The following PABPC4L variants were observed in gnomAD, a reference collection of about 807,000 sequenced individuals.
PABPC4L encodes the protein poly(A) binding protein cytoplasmic 4 like, also known as polyadenylate-binding protein 4-like.
For missense variants in PABPC4L, 452 were observed against 451.4 expected, an observed-to-expected ratio of 1.00 and a Z score of -0.01; for synonymous variants, 169 against 164.1, an observed-to-expected ratio of 1.03 and a Z score of -0.23.
chr4:134,164,261 TCAAAAAAAAAAA>T, the PABPC4L span, among the ~76,000 whole-genome samples: 1 of 28,848 alleles, frequency 3.5e-5, no homozygotes, highest in African/African-American at 1.4e-4. Context: ...AGACTCCGTC[TCAAAAAAAAAAA>T]AAAAAAAAAA....
At chr4:134,153,333 G>A in the PABPC4L span, among the ~76,000 whole-genome samples, 1 of 151,848 alleles carries the variant, frequency 6.6e-6, no homozygotes, top group South Asian at 2.1e-4. Flanking sequence ...ATAATGTTCA[G>A]ATGCTGGTTT....
chr4:134,149,382 T>C, the PABPC4L span, among the ~76,000 whole-genome samples: 12 of 152,274 alleles, frequency 7.9e-5, no homozygotes, highest in African/African-American at 2.6e-4. Flanking sequence ...ACTTTGAGGC[T>C]GGGGTTGATC....
At chr4:133,968,439 G>C in the PABPC4L span, among the ~76,000 whole-genome samples, 2 of 152,176 alleles carry the variant, frequency 1.3e-5, no homozygotes, top group Non-Finnish European at 2.9e-5. Context: ...GTACAGAACA[G>C]AGAATCCATT....
chr4:134,114,900 G>A, the PABPC4L span, among the ~76,000 whole-genome samples: 30 of 151,966 alleles, frequency 2.0e-4, no homozygotes, highest in African/African-American at 6.5e-4. Flanking sequence ...TGTTATCAAA[G>A]AATTGTAGTC....
the PABPC4L span, among the ~76,000 whole-genome samples, chr4:133,985,116 C>A: frequency 6.6e-6 from 1 of 151,922 alleles, no homozygotes; most frequent in Admixed American, 6.6e-5. Context: ...GTTACATAAA[C>A]TGACTCTGGT....
At chr4:134,028,132 A>G in the PABPC4L span, among the ~76,000 whole-genome samples, 2 of 152,124 alleles carry the variant, frequency 1.3e-5, no homozygotes, top group Non-Finnish European at 2.9e-5. Flanking sequence ...CAGCCCAGAA[A>G]CTCTGAATCA....
the PABPC4L span, among the ~76,000 whole-genome samples, chr4:134,016,674 A>C: frequency 6.6e-6 from 1 of 152,126 alleles, no homozygotes; most frequent in African/African-American, 2.4e-5. Context: ...CCAGCCTCAC[A>C]GGCCCATTCT....
At chr4:133,989,552 T>A in the PABPC4L span, among the ~76,000 whole-genome samples, 1 of 152,300 alleles carries the variant, frequency 6.6e-6, no homozygotes, top group East Asian at 1.9e-4. Flanking sequence ...CAAAGCCATT[T>A]AACAAGTCTC....
the PABPC4L span, among the ~76,000 whole-genome samples, chr4:134,111,536 G>A: frequency 6.6e-6 from 1 of 151,824 alleles, no homozygotes; most frequent in Admixed American, 6.6e-5. Flanking sequence ...TTTGTTCTGT[G>A]TCTCTAGAGA....
the PABPC4L span, among the ~76,000 whole-genome samples, chr4:134,082,631 C>T: frequency 2.0e-5 from 3 of 151,914 alleles, no homozygotes; most frequent in African/African-American, 4.8e-5. Flanking sequence ...TAAGCATAAT[C>T]GATGATCTCA....
chr4:134,096,683 T>A, the PABPC4L span, among the ~76,000 whole-genome samples: 1 of 151,968 alleles, frequency 6.6e-6, no homozygotes, highest in South Asian at 2.1e-4. Flanking sequence ...TGCCTTTTGG[T>A]AAACATTTCA....
At chr4:134,123,100 G>C in the PABPC4L span, among the ~76,000 whole-genome samples, 1 of 151,924 alleles carries the variant, frequency 6.6e-6, no homozygotes, top group Non-Finnish European at 1.5e-5. Flanking sequence ...CACGTCATTT[G>C]TATCAATATA....
At chr4:134,079,985 T>G in the PABPC4L span, among the ~76,000 whole-genome samples, 205 of 152,178 alleles carry the variant, frequency 1.3e-3, no homozygotes, top group African/African-American at 4.9e-3. Context: ...TTTTTTCCAT[T>G]TTATTTCTAT....
At chr4:134,029,304 A>T in the PABPC4L span, among the ~76,000 whole-genome samples, 1 of 152,024 alleles carries the variant, frequency 6.6e-6, no homozygotes. Flanking sequence ...GGGAAGATGC[A>T]AAGGAGGGGC....
the PABPC4L span, among the ~76,000 whole-genome samples, chr4:133,949,381 T>A: frequency 6.6e-6 from 1 of 152,140 alleles, no homozygotes; most frequent in Non-Finnish European, 1.5e-5. Flanking sequence ...ATCAGCTTGA[T>A]TAGGTATTCC....
chr4:133,992,701 T>C, the PABPC4L span, among the ~76,000 whole-genome samples: 1 of 152,072 alleles, frequency 6.6e-6, no homozygotes, highest in African/African-American at 2.4e-5. Flanking sequence ...GCAGACAAAA[T>C]GAGAGCATAA....
the PABPC4L span, among the ~76,000 whole-genome samples, chr4:134,151,861 A>G: frequency 6.0e-3 from 913 of 151,992 alleles, 7 homozygotes; most frequent in African/African-American, 0.021. Context: ...AGCTTATTAT[A>G]ATATAAGAAT....
the PABPC4L span, among the ~76,000 whole-genome samples, chr4:134,030,166 C>A: frequency 1.6e-4 from 24 of 151,912 alleles, no homozygotes; most frequent in Non-Finnish European, 3.4e-4. Context: ...AGGATTAATA[C>A]AATAAATTGG....
At chr4:134,176,149 A>T in the PABPC4L span, among the ~76,000 whole-genome samples, 1 of 152,150 alleles carries the variant, frequency 6.6e-6, no homozygotes, top group African/African-American at 2.4e-5. Context: ...CATTAAAGTT[A>T]ATTATTCTCT....
Sources: allele counts gnomAD v4.1 joint callset (sites outside exome capture counted in the v4.1 genomes callset), GRCh38; gene constraint gnomAD v4.1.1; transcripts MANE v1.5; gene names NCBI Gene and HGNC (gene_info 2026-07-23, HGNC 2026-07-21).